The following PTBP3 variants were observed in gnomAD, a reference collection of about 807,000 sequenced individuals.
The protein encoded by PTBP3 is polypyrimidine tract binding protein 3.
Under a neutral mutation model 58.7 loss-of-function variants are expected in PTBP3, and 20 were observed. The observed-to-expected ratio is 0.34, with a 90% confidence interval of 0.24 to 0.50. PTBP3 has a LOEUF of 0.50. Among genes scored for constraint, PTBP3 ranks in the 20% least tolerant of loss-of-function variants. The pLI is 0.98. For missense variants in PTBP3, 509 were observed against 637.2 expected (o/e 0.80, Z 2.17); for synonymous variants, 185 against 219.8 (o/e 0.84, Z 1.40).
chr9:112,301,991 A>G (rs1401651706), intron 1 of PTBP3, among the ~76,000 whole-genome samples: 3 of 152,186 alleles, frequency 2.0e-5, no homozygotes, highest in Non-Finnish European at 1.5e-5. Flanking sequence ...ACTAACAGTC[A>G]TCACTAACAC....
chr9:112,252,463 G>C, intron 6 of PTBP3: 1 of 525,264 alleles, frequency 1.9e-6, no homozygotes, highest in Non-Finnish European at 3.4e-6. Context: ...AGAGATGTGA[G>C]AGGTGATAGG....
At chr9:112,312,581 C>T (rs1829535002) in intron 1 of PTBP3, among the ~76,000 whole-genome samples, 1 of 45,892 alleles carries the variant, frequency 2.2e-5, no homozygotes, top group African/African-American at 1.5e-4. Flanking sequence ...GTAAGACAAT[C>T]GGGGAAATGA....
intron 2 of PTBP3, among the ~76,000 whole-genome samples, chr9:112,277,844 TCCCTGTCTCAAATTTTGAGA>T (rs1393660088): frequency 2.0e-5 from 3 of 151,860 alleles, no homozygotes; most frequent in Admixed American, 1.3e-4. Flanking sequence ...CCACTTGCAC[TCCCTGTCTCAAATTTTGAGA>T]CTCTGTCTCA....
chr9:112,315,376 T>C (rs1829660990), intron 1 of PTBP3, among the ~76,000 whole-genome samples: 1 of 151,018 alleles, frequency 6.6e-6, no homozygotes, highest in Non-Finnish European at 1.5e-5. Context: ...TAAAAAATCA[T>C]GGGCCAAAAG....
intron 12 of PTBP3, among the ~76,000 whole-genome samples, chr9:112,224,670 C>G (rs1264279422): frequency 6.6e-6 from 1 of 152,164 alleles, no homozygotes; most frequent in Admixed American, 6.5e-5. Flanking sequence ...CCCAATTACT[C>G]TTGCCTGCTC....
rs148877228 is a variant in PTBP3 at position 112,237,855 on chromosome 9, A to G, written c.803-2958T>C. On this transcript the variant is annotated intron_variant, in intron 7 of 13. Coordinates refer to ENST00000374257, the MANE Select transcript of PTBP3 (RefSeq NM_001163788.4). ...AAGGTTTGCTTTGTGACCAGCAGAG[A>G]AGGGAGAAAAGTCCCCTGAAAAGTT... Among the ~76,000 whole-genome samples the G allele has an allele frequency of 2.2e-3, 335 of 152,354 alleles. 2 individuals carry two copies. Among genetic ancestry groups the G allele is most frequent in the African/African-American group, 7.7e-3 (322 of 41,584 alleles).
At chr9:112,291,745 A>G (rs1172361246) in intron 2 of PTBP3, among the ~76,000 whole-genome samples, 1 of 152,212 alleles carries the variant, frequency 6.6e-6, no homozygotes, top group African/African-American at 2.4e-5. Flanking sequence ...CCTAGACATA[A>G]GACCTGAAAC....
chr9:112,374,227 G>C, the PTBP3 span, among the ~76,000 whole-genome samples: 3 of 152,154 alleles, frequency 2.0e-5, no homozygotes, highest in African/African-American at 7.2e-5. Context: ...TAAAAGGTAG[G>C]AGGAGCACAA....
chr9:112,290,133 A>G (rs1404579404), intron 2 of PTBP3, among the ~76,000 whole-genome samples: 1 of 152,350 alleles, frequency 6.6e-6, no homozygotes, highest in African/African-American at 2.4e-5. Flanking sequence ...TGTAAATTAT[A>G]GTGTCAGAGG....
chr9:112,332,635 T>A (rs1034453353), intron 1 of PTBP3: 80 of 922,252 alleles, frequency 8.7e-5, no homozygotes, highest in Non-Finnish European at 1.2e-4. Flanking sequence ...TACCAAAATA[T>A]GTCAAGTCCC....
chr9:112,268,362 G>A (rs1038715101), intron 3 of PTBP3, among the ~76,000 whole-genome samples, 167 bp from the exon 4 acceptor site: 1 of 152,142 alleles, frequency 6.6e-6, no homozygotes, highest in African/African-American at 2.4e-5. Context: ...AAATATCATG[G>A]ACGTTAATTA....
chr9:112,345,568 G>T, the PTBP3 span, among the ~76,000 whole-genome samples: 1 of 151,182 alleles, frequency 6.6e-6, no homozygotes, highest in African/African-American at 2.4e-5. Flanking sequence ...TTTCAGTAGA[G>T]TTGGGGTTTT....
At chr9:112,333,735 C>T (rs1398924114), upstream of PTBP3, 8 of 351,952 alleles carry the variant, frequency 2.3e-5, no homozygotes, top group South Asian at 7.2e-4. Flanking sequence ...CCCGCCCTCC[C>T]TCGGGGCCCG....
chr9:112,221,365 A>G lies in PTBP3; in HGVS notation c.*2486T>C. On this transcript the variant is annotated 3_prime_UTR_variant, in exon 14 of 14. Transcript: ENST00000374257. ...TCTCAGACTTAAAAGGCCATTCCCT[A>G]CTTCAAAGTTACATTCAACACCACT... 12 of 985,840 alleles carry G rather than the reference A, an allele frequency of 1.2e-5. No homozygotes were observed. Among genetic ancestry groups the G allele is most frequent in the Non-Finnish European group, 1.4e-5 (12 of 829,916 alleles). The allele number at this position is 985,840 out of a possible 1,614,324, so 61.1% of individuals were successfully genotyped here. A position where few individuals can be genotyped will look rare whatever the true frequency, so the allele number is the denominator to read the frequency against.
At chr9:112,320,304 ATATATATATATTTT>A (rs1829881776) in intron 1 of PTBP3, among the ~76,000 whole-genome samples, 8 of 54,176 alleles carry the variant, frequency 1.5e-4, no homozygotes, top group African/African-American at 1.1e-3. Context: ...ATATATATAT[ATATATATATATTTT>A]TTTTTAAGTG....
At chr9:112,333,107 T>G in intron 1 of PTBP3, 1 of 1,247,834 alleles carries the variant, frequency 8.0e-7, no homozygotes, top group South Asian at 2.9e-5. Flanking sequence ...GCGCACCATT[T>G]TCTGAGAGGA....
intron 7 of PTBP3, among the ~76,000 whole-genome samples, chr9:112,235,903 G>C (rs1323815666): frequency 6.6e-6 from 1 of 152,060 alleles, no homozygotes; most frequent in Non-Finnish European, 1.5e-5. Flanking sequence ...TAGTACCTCA[G>C]AATCTAGAGG....
In PTBP3 at chr9:112,320,314, AT is replaced by A. The variant is rs67226574; in HGVS notation, c.-52+13155del. 8.3e-4 allele frequency among the ~76,000 whole-genome samples: 63 copies of A among 75,694 alleles called. 1 individual carries two copies. Among genetic ancestry groups the A allele is most frequent in the African/African-American group, 3.9e-3 (58 of 14,916 alleles). The allele number at this position is 75,694 out of a possible 152,430, so 49.7% of individuals were successfully genotyped here. ...AAAATATATATATATATATATATAT[AT>A]TTTTTTTTAAGTGTTATCACCAGAA... On this transcript the variant is annotated intron_variant, in intron 1 of 13. Transcript: ENST00000374257.
chr9:112,269,948 CT>C (rs111363648), intron 3 of PTBP3, among the ~76,000 whole-genome samples: 123 of 142,930 alleles, frequency 8.6e-4, no homozygotes, highest in Admixed American at 9.0e-4. Flanking sequence ...TCCAAATCTT[CT>C]TTTTTTTTTT....
Sources: gnomAD v4.1 joint callset for allele counts (sites outside exome capture counted in the v4.1 genomes callset) on GRCh38, gnomAD v4.1.1 for gene constraint, MANE v1.5 for transcripts, NCBI Gene and HGNC (gene_info 2026-07-23, HGNC 2026-07-21) for gene names.